EIF3F: variants seen among roughly 807,000 people sequenced by gnomAD.
EIF3F encodes deubiquitinating enzyme eIF3f.
Under a neutral mutation model 36.0 loss-of-function variants are expected in EIF3F, and 8 were observed. The ratio of observed to expected loss-of-function variants is 0.22; its 90% CI spans 0.13 to 0.40. EIF3F has a LOEUF of 0.40. Ranked by LOEUF, EIF3F falls within the 10% of genes least tolerant of loss-of-function variation. The pLI is 1.00. For synonymous variants in EIF3F, 184 were observed against 188.5 expected, an observed-to-expected ratio of 0.98 and a Z score of 0.19; for missense variants, 430 against 467.6, an observed-to-expected ratio of 0.92 and a Z score of 0.74.
chr11:7,997,274 TAATCAG>T lies in EIF3F; in HGVS notation c.*1254_*1259del, dbSNP rs1942171279. ...AAAGTAGACAGCATGGTGGGAAGGT[TAATCAG>T]AGTCAAAATGTTTCAGTGTTCTTAC... is the stretch of plus-strand genomic sequence containing the variant. On this transcript the variant is annotated 3_prime_UTR_variant, in exon 8 of 8. Coordinates refer to ENST00000651655, the MANE Select transcript of EIF3F (RefSeq NM_003754.3). 1 of 152,192 alleles carries T rather than the reference TAATCAG, an allele frequency of 6.6e-6. No homozygotes were observed. Among genetic ancestry groups the T allele is most frequent in the African/African-American group, 2.4e-5 (1 of 41,444 alleles). 9.4% of individuals were successfully genotyped at this position (152,192 alleles called of 1,614,324 possible). A position where few individuals can be genotyped will look rare whatever the true frequency, so the allele number is the denominator to read the frequency against.
chr11:7,999,626 A>G lies in EIF3F; in HGVS notation c.*3604A>G, dbSNP rs939057850. 6.6e-6 allele frequency: 1 copy of G among 152,182 alleles called. No individual in the cohort carries two copies. The highest frequency in any genetic ancestry group is 2.4e-5 in the African/African-American group (1 of 41,410). The allele number at this position is 152,182 out of a possible 1,614,324, so 9.4% of individuals were successfully genotyped here. ...AATTAAAGCAATATGGTACTGGTCC[A>G]TAAAAGAACATAAAACCAAATAGTT... On this transcript the variant is annotated 3_prime_UTR_variant, in exon 8 of 8. Transcript: ENST00000651655.
chr11:7,991,904 G>A (rs1412523184), intron 2 of EIF3F, 53 bp downstream of exon 2: 36 of 1,600,894 alleles, frequency 2.2e-5, no homozygotes, highest in Non-Finnish European at 2.9e-5. Flanking sequence ...TCATTTGCTC[G>A]GCTCCCCTCA....
In EIF3F at chr11:7,995,279, C is replaced by T. The variant is rs772380740; in HGVS notation, c.908C>T (p.Thr303Ile). The T allele has an allele frequency of 9.3e-6, 15 of 1,613,978 alleles. No individual in the cohort carries two copies. The Admixed American group carries it at 2.3e-4, about 25-fold the overall frequency. ...VLSGKVSADN[T>I]VGRFLMSLVN... is the part of the protein sequence containing the mutation. The stretch of plus-strand genomic sequence containing the variant: ...TCTGGAAAGGTGTCAGCTGACAATA[C>T]TGTGGGCCGCTTCCTGATGAGCCTG... The change falls in exon 7 of 8, where the codon ACT becomes ATT. Residue 303 changes from threonine to isoleucine, a missense_variant. Coordinates refer to ENST00000651655, the MANE Select transcript of EIF3F (RefSeq NM_003754.3).
Position 7,987,374 on chromosome 11 carries a change from G to C in EIF3F, c.22G>C (p.Val8Leu), listed in dbSNP as rs1457675211. The part of the protein sequence containing the change: MATPAVP[V>L]SAPPATPTPV... ...CAAGATGGCCACACCGGCGGTACCAGTAAGTGCTCCTCCGGCCACGCCAAC... is the reference window on the plus strand; with the variant it reads ...CAAGATGGCCACACCGGCGGTACCACTAAGTGCTCCTCCGGCCACGCCAAC... The change falls in exon 1 of 8, where the codon GTA becomes CTA. Residue 8 changes from valine (V) to leucine (L), a missense_variant. Physicochemically the swap from Val to Leu is conservative, Grantham distance 32. This residue lies in a region of EIF3F where 168 missense variants were observed against 120.2 expected (regional missense o/e 1.40). Transcript: ENST00000651655. The C allele has an allele frequency of 9.4e-6, 15 of 1,597,168 alleles. No homozygotes were observed. The highest frequency in any genetic ancestry group is 1.2e-5 in the Non-Finnish European group (14 of 1,178,190).
chr11:7,995,082 C>T lies in EIF3F; in HGVS notation c.846C>T (p.Ala282=), dbSNP rs758099526. 7 of 1,613,884 alleles carry T rather than the reference C, an allele frequency of 4.3e-6. No homozygotes were observed. The highest frequency in any genetic ancestry group is 5.9e-6 in the Non-Finnish European group (7 of 1,179,912). Residue 282 remains alanine (A), a synonymous_variant, in exon 6 of 8, where the codon GCC becomes GCT. Transcript: ENST00000651655. The part of the protein sequence containing the change: ...VGGASARIQD[A]LSTVLQYAED... The stretch of plus-strand genomic sequence containing the variant: ...GGGCATCAGCTCGCATCCAGGATGC[C>T]CTGAGTACAGTGTTGCAATATGCAG...
rs1564886676 is a variant in EIF3F at position 7,992,946 on chromosome 11, G to A, written c.575G>A (p.Arg192Gln). 1.9e-6 allele frequency: 3 copies of A among 1,613,850 alleles called. No individual in the cohort carries two copies. The highest frequency in any genetic ancestry group is 2.5e-6 in the Non-Finnish European group (3 of 1,179,902). Residue 192 changes from arginine (R) to glutamine (Q), a missense_variant, in exon 4 of 8, where the codon CGA (arginine) becomes CAA (glutamine). Around this residue, in one of 2 missense-constraint regions of EIF3F, gnomAD observed 262 missense variants for 347.4 expected, o/e 0.75. Transcript: ENST00000651655. The stretch of plus-strand genomic sequence containing the variant: ...GTGCTGATCCACGAGTACTACAGCC[G>A]AGAGGCCCCCAACCCCATCCACCTC... ...HSVLIHEYYSREAPNPIHLTV... is the reference protein window; with the variant it reads ...HSVLIHEYYSQEAPNPIHLTV...
intron 6 of EIF3F, 31 bp from the exon 7 acceptor site, chr11:7,995,223 T>C: frequency 6.2e-7 from 1 of 1,608,918 alleles, no homozygotes; most frequent in Admixed American, 1.7e-5. Context: ...TATAATTAAC[T>C]GCCTCATCGA....
rs1942205610 is a variant in EIF3F, at chr11:8,000,230, A to G, written c.*4208A>G. On this transcript the variant is annotated 3_prime_UTR_variant, in exon 8 of 8. Transcript: ENST00000651655. ...TCTCAAAAAAAAAAAAGGTACATCT[A>G]CACAATGGAATATTATTAACCTTAA... 1 of 152,042 alleles carries G rather than the reference A, an allele frequency of 6.6e-6. No individual in the cohort carries two copies. Among genetic ancestry groups the G allele is most frequent in the Non-Finnish European group, 1.5e-5 (1 of 68,022 alleles). 9.4% of individuals were successfully genotyped at this position (152,042 alleles called of 1,614,324 possible).
intron 1 of EIF3F, among the ~76,000 whole-genome samples, chr11:7,990,865 GAATAAATA>G (rs58906269): frequency 0.17 from 23,592 of 136,546 alleles, 2,066 homozygotes; most frequent in Middle Eastern, 0.27. Flanking sequence ...AATGTAGTGG[GAATAAATA>G]AATAAATAAA....
rs200229110 is a variant in EIF3F at position 7,987,585 on chromosome 11, C to T, written c.233C>T (p.Pro78Leu). The T allele has an allele frequency of 1.3e-3, 2,015 of 1,597,554 alleles. 6 individuals carry two copies. Among genetic ancestry groups the T allele is most frequent in the Middle Eastern group, 3.8e-3 (17 of 4,516 alleles). ...APAQTPAPAL[P>L]GPALPGPFPG... ...GCGCAGACCCCAGCGCCCGCTCTGC[C>T]TGGTCCTGCTCTTCCAGGGCCCTTC... Residue 78 changes from proline (P) to leucine (L), a missense_variant, in exon 1 of 8, where the codon CCT becomes CTT. Coordinates refer to ENST00000651655, the MANE Select transcript of EIF3F (RefSeq NM_003754.3).
chr11:7,995,696 C>T (rs1001364128), intron 7 of EIF3F: 1 of 591,678 alleles, frequency 1.7e-6, no homozygotes, highest in Non-Finnish European at 3.0e-6. Flanking sequence ...TTCACAGACC[C>T]CCTATATTCC....
intron 1 of EIF3F, among the ~76,000 whole-genome samples, chr11:7,990,335 C>T (rs976620453): frequency 9.2e-5 from 14 of 152,142 alleles, no homozygotes; most frequent in East Asian, 1.9e-4. Context: ...AAGGTCCAGA[C>T]GGTAAATATT....
At chr11:7,994,557 AT>A (rs1942140124) in intron 5 of EIF3F, 40 bp downstream of exon 5, 2 of 1,578,950 alleles carry the variant, frequency 1.3e-6, no homozygotes, top group African/African-American at 2.7e-5. Flanking sequence ...GGCCATAGGC[AT>A]TTTCAGGGAA....
chr11:7,994,755 T>A (rs1366933347), intron 5 of EIF3F: 1 of 717,156 alleles, frequency 1.4e-6, no homozygotes, highest in African/African-American at 1.8e-5. Context: ...TCACATGAGA[T>A]CAAAACCGGT....
intron 4 of EIF3F, among the ~76,000 whole-genome samples, chr11:7,993,339 A>G (rs964867836): frequency 1.3e-5 from 2 of 152,188 alleles, no homozygotes; most frequent in East Asian, 1.9e-4. Flanking sequence ...TATTCTTGTC[A>G]TGATCCTTCA....
chr11:7,988,313 A>G (rs1237521876), intron 1 of EIF3F, among the ~76,000 whole-genome samples: 1 of 152,192 alleles, frequency 6.6e-6, no homozygotes, highest in African/African-American at 2.4e-5. Flanking sequence ...TCTGAGCCTG[A>G]TCTGTGTCCC....
intron 1 of EIF3F, 140 bp downstream of exon 1, chr11:7,987,856 G>A: frequency 1.6e-6 from 2 of 1,242,980 alleles, no homozygotes; most frequent in Non-Finnish European, 2.1e-6. Flanking sequence ...ATCTATATCT[G>A]CATCCTACCT....
chr11:7,999,599 GTAATT>G lies in EIF3F; in HGVS notation c.*3578_*3582del, dbSNP rs1942196757. ...GATATAAAATATATTATAGAACTGT[GTAATT>G]AAAGCAATATGGTACTGGTCCATAA... On this transcript the variant is annotated 3_prime_UTR_variant, in exon 8 of 8. Coordinates refer to ENST00000651655, the MANE Select transcript of EIF3F (RefSeq NM_003754.3). 6.6e-6 allele frequency: 1 copy of G among 152,192 alleles called. No homozygotes were observed. 9.4% of individuals were successfully genotyped at this position (152,192 alleles called of 1,614,324 possible).
At chr11:7,990,749 CTG>C (rs1258763890) in intron 1 of EIF3F, among the ~76,000 whole-genome samples, 1 of 152,152 alleles carries the variant, frequency 6.6e-6, no homozygotes, top group African/African-American at 2.4e-5. Flanking sequence ...ATAGACAACA[CTG>C]TGGTTTCTGG....
Sources: allele counts gnomAD v4.1 joint callset (sites outside exome capture counted in the v4.1 genomes callset), GRCh38; gene constraint gnomAD v4.1.1; regional missense constraint gnomAD v4.1.1; transcripts MANE v1.5; gene names NCBI Gene and HGNC (gene_info 2026-07-23, HGNC 2026-07-21).